LRCH1: variants seen among roughly 807,000 people sequenced by gnomAD.
The protein encoded by LRCH1 is leucine rich repeats and calponin homology domain containing 1.
A neutral mutation model predicts 94.9 loss-of-function variants in LRCH1; 23 were observed. The observed-to-expected ratio is 0.24, with a 90% CI of 0.17 to 0.34. LRCH1 has a LOEUF of 0.34. Among genes scored for constraint, LRCH1 ranks in the 10% least tolerant of loss-of-function variants. The pLI, the probability that LRCH1 is intolerant of heterozygous loss-of-function variation, is 1.00. For missense variants in LRCH1, 790 were observed against 945.9 expected (o/e 0.84, Z 2.16); for synonymous variants, 364 against 354.9 (o/e 1.03, Z -0.29).
chr13:46,632,697 T>C (rs1179080611), intron 1 of LRCH1, among the ~76,000 whole-genome samples: 1 of 152,148 alleles, frequency 6.6e-6, no homozygotes, highest in Non-Finnish European at 1.5e-5. Context: ...AAAACCCTTG[T>C]TTAAAAAAAA....
intron 1 of LRCH1, among the ~76,000 whole-genome samples, chr13:46,558,173 A>G (rs995371334): frequency 3.3e-5 from 5 of 152,238 alleles, no homozygotes; most frequent in Admixed American, 1.3e-4. Context: ...GATGCAAAGT[A>G]TAAGACAATA....
chr13:46,588,200 C>T (rs1409888780), intron 1 of LRCH1, among the ~76,000 whole-genome samples: 2 of 152,128 alleles, frequency 1.3e-5, no homozygotes, highest in African/African-American at 2.4e-5. Flanking sequence ...CATACAGTTT[C>T]GCTCTCATCT....
At position 46,732,914 on chromosome 13, in the gene LRCH1, A is replaced by G. The variant is rs559928194; in HGVS notation, c.2008-1007A>G. ...GTGACTTCCTCCCTAATCAAGATGG[A>G]GAATATTTATTTAGCTTTCAACTTA... is the stretch of plus-strand genomic sequence containing the variant. On this transcript the variant is annotated intron_variant, in intron 18 of 19. Coordinates refer to ENST00000389797, the MANE Select transcript of LRCH1 (RefSeq NM_001164211.2). 3.9e-5 allele frequency among the ~76,000 whole-genome samples: 6 copies of G among 152,350 alleles called. No individual in the cohort carries two copies. In the East Asian group the frequency reaches 9.6e-4, roughly 24 times the overall value.
intron 1 of LRCH1, among the ~76,000 whole-genome samples, chr13:46,638,380 C>A (rs1030829200): frequency 6.6e-6 from 1 of 152,116 alleles, no homozygotes; most frequent in Non-Finnish European, 1.5e-5. Context: ...AAAACTGGCA[C>A]GGAACCTTTG....
Position 46,744,699 on chromosome 13 carries a change from G to C in LRCH1, c.*2851G>C, listed in dbSNP as rs1385949080. 1 of 985,412 alleles carries C rather than the reference G, an allele frequency of 1.0e-6. No homozygotes were observed. The highest frequency in any genetic ancestry group is 1.7e-5 in the African/African-American group (1 of 57,356). 61.0% of individuals were successfully genotyped at this position (985,412 alleles called of 1,614,324 possible). On this transcript the variant is annotated 3_prime_UTR_variant, in exon 20 of 20. Transcript: ENST00000389797. ...AAAACTCATGTAGATGCCTGATTGAGTCATAAGGACAAAAGGGTGTTTTGC... is the reference window on the plus strand; with the variant it reads ...AAAACTCATGTAGATGCCTGATTGACTCATAAGGACAAAAGGGTGTTTTGC...
At chr13:46,693,357 C>A (rs9526218) in intron 8 of LRCH1, among the ~76,000 whole-genome samples, 1 of 151,458 alleles carries the variant, frequency 6.6e-6, no homozygotes, top group Non-Finnish European at 1.5e-5. Flanking sequence ...TTAACACAGG[C>A]CTTCCAAAAC....
intron 1 of LRCH1, among the ~76,000 whole-genome samples, chr13:46,582,056 A>C (rs2137942034): frequency 6.6e-6 from 1 of 150,598 alleles, no homozygotes; most frequent in South Asian, 2.1e-4. Context: ...AGGCTGAGGC[A>C]GGAGAATCGC....
intron 7 of LRCH1, among the ~76,000 whole-genome samples, 173 bp from the exon 8 acceptor site, chr13:46,692,363 A>G (rs1244775886): frequency 6.6e-6 from 1 of 151,618 alleles, no homozygotes; most frequent in East Asian, 1.9e-4. Context: ...AATACCATGG[A>G]TTAGTTTTGC....
chr13:46,700,497 T>C (rs1008727125), intron 10 of LRCH1, among the ~76,000 whole-genome samples: 1 of 152,212 alleles, frequency 6.6e-6, no homozygotes, highest in Non-Finnish European at 1.5e-5. Flanking sequence ...TTTTAAACTA[T>C]ATAACGGTTT....
chr13:46,693,737 C>T (rs981633979), intron 8 of LRCH1, among the ~76,000 whole-genome samples: 1 of 152,216 alleles, frequency 6.6e-6, no homozygotes. Context: ...TGGAAGCCCT[C>T]ATTGGGTAAC....
At chr13:46,585,403 A>C (rs536792833) in intron 1 of LRCH1, among the ~76,000 whole-genome samples, 4 of 152,172 alleles carry the variant, frequency 2.6e-5, no homozygotes, top group Admixed American at 6.5e-5. Context: ...CGGTGAAACC[A>C]CGTCTCTACT....
At chr13:46,734,635 C>CCTCA (rs1873281776) in intron 19 of LRCH1, among the ~76,000 whole-genome samples, 1 of 152,196 alleles carries the variant, frequency 6.6e-6, no homozygotes, top group South Asian at 2.1e-4. Flanking sequence ...TCGGACCCAG[C>CCTCA]CTCAGCCTCA....
chr13:46,745,003 T>C, downstream of LRCH1: 1 of 710,708 alleles, frequency 1.4e-6, no homozygotes, highest in Non-Finnish European at 1.7e-6. Flanking sequence ...CCATAAATAT[T>C]GAATGAGCAA....
At chr13:46,669,294 T>C in intron 3 of LRCH1, 138 bp downstream of exon 3, 2 of 920,522 alleles carry the variant, frequency 2.2e-6, no homozygotes, top group East Asian at 5.2e-5. Flanking sequence ...GATAAAGACA[T>C]TAAGTGGGGA....
chr13:46,645,896 A>G (rs2051214699), intron 1 of LRCH1, among the ~76,000 whole-genome samples: 1 of 152,184 alleles, frequency 6.6e-6, no homozygotes, highest in Admixed American at 6.5e-5. Context: ...TTTTTCATTC[A>G]ATTAGATAGT....
chr13:46,569,175 A>C (rs1461282365), intron 1 of LRCH1, among the ~76,000 whole-genome samples: 1 of 146,514 alleles, frequency 6.8e-6, no homozygotes. Flanking sequence ...TGATAGAAAA[A>C]ACTGTGGCTG....
intron 13 of LRCH1, among the ~76,000 whole-genome samples, chr13:46,708,311 C>T (rs1046959320): frequency 3.2e-4 from 45 of 142,656 alleles, no homozygotes; most frequent in African/African-American, 1.2e-3. Flanking sequence ...GAGTCTCGCT[C>T]TTGTCGCCCA....
intron 1 of LRCH1, among the ~76,000 whole-genome samples, chr13:46,644,422 C>T (rs752782096): frequency 5.1e-4 from 78 of 152,176 alleles, no homozygotes; most frequent in Non-Finnish European, 9.3e-4. Context: ...AAGTAGTTTT[C>T]CATTTCCGTA....
chr13:46,634,940 C>T (rs1189965530), intron 1 of LRCH1, among the ~76,000 whole-genome samples: 3 of 152,214 alleles, frequency 2.0e-5, no homozygotes, highest in Non-Finnish European at 4.4e-5. Flanking sequence ...CTGGTAGTGA[C>T]TTCCCTTGAC....
Sources: allele counts gnomAD v4.1 joint callset (sites outside exome capture counted in the v4.1 genomes callset), GRCh38; gene constraint gnomAD v4.1.1; transcripts MANE v1.5; gene names NCBI Gene and HGNC (gene_info 2026-07-23, HGNC 2026-07-21).